The following CADM2 variants were observed in gnomAD, a reference collection of about 807,000 sequenced individuals.
CADM2 encodes immunoglobulin superfamily member 4D.
CADM2 carries 12 observed loss-of-function variants against 49.8 expected under a neutral mutation model. The ratio of observed to expected loss-of-function variants is 0.24; its 90% CI spans 0.15 to 0.39. The LOEUF (loss-of-function observed/expected upper bound fraction) is 0.39. Ranked by LOEUF, CADM2 falls within the 10% of genes least tolerant of loss-of-function variation. The pLI, the probability that CADM2 is intolerant of heterozygous loss-of-function variation, is 1.00. For missense variants in CADM2, 378 were observed against 492.3 expected, an observed-to-expected ratio of 0.77 and a Z score of 2.20; for synonymous variants, 214 against 175.4, an observed-to-expected ratio of 1.22 and a Z score of -1.74.
intron 1 of CADM2, among the ~76,000 whole-genome samples, chr3:85,370,255 AAT>A (rs2033124007): frequency 6.8e-6 from 1 of 147,346 alleles, no homozygotes; most frequent in Non-Finnish European, 1.5e-5. Flanking sequence ...TAATAATAAT[AAT>A]AAAATTTTAA....
intron 1 of CADM2, among the ~76,000 whole-genome samples, chr3:85,371,677 GTATA>G (rs1167720851): frequency 0.011 from 1,046 of 95,076 alleles, 9 homozygotes; most frequent in African/African-American, 0.033. Context: ...GTGTGTGTGT[GTATA>G]TATATATATA....
rs1211050803 is a variant in CADM2, at chr3:85,624,068, T to A, written c.62-102454T>A. Among the ~76,000 whole-genome samples the A allele has an allele frequency of 3.9e-5, 6 of 152,290 alleles. No homozygotes were observed. In the South Asian group the frequency reaches 8.3e-4, roughly 21 times the overall value. ...AAAATATTCATATTTTGAGTAATTT[T>A]AAAATATTTAATTGGCATATTTAAA... is the stretch of plus-strand genomic sequence containing the variant. On this transcript the variant is annotated intron_variant, in intron 1 of 9. Coordinates refer to ENST00000383699, the MANE Select transcript of CADM2 (RefSeq NM_001167675.2).
chr3:85,105,250 G>GA (rs1441043988), intron 1 of CADM2, among the ~76,000 whole-genome samples: 5 of 151,560 alleles, frequency 3.3e-5, no homozygotes, highest in Non-Finnish European at 5.9e-5. Flanking sequence ...AATTTACAAG[G>GA]AAAAAACAAA....
chr3:85,532,945 G>A (rs1285987098), intron 1 of CADM2, among the ~76,000 whole-genome samples: 1 of 152,166 alleles, frequency 6.6e-6, no homozygotes, highest in Non-Finnish European at 1.5e-5. Flanking sequence ...GTAAGTGGGA[G>A]CTAGATGATG....
At chr3:85,126,813 T>G (rs73128719) in intron 1 of CADM2, among the ~76,000 whole-genome samples, 55 of 152,276 alleles carry the variant, frequency 3.6e-4, no homozygotes, top group Non-Finnish European at 7.4e-4. Context: ...TTATCTTTCC[T>G]GTTTGTTGTT....
At chr3:85,668,295 C>CAAAAAAAAAAAAAAAAAAACAAAAAA (rs11447925) in intron 1 of CADM2, among the ~76,000 whole-genome samples, 1 of 81,764 alleles carries the variant, frequency 1.2e-5, no homozygotes, top group Non-Finnish European at 2.5e-5. Context: ...AGTACCAAAG[C>CAAAAAAAAAAAAAAAAAAACAAAAAA]AAAAAAAAAA....
intron 1 of CADM2, among the ~76,000 whole-genome samples, chr3:85,070,795 A>G (rs957809205): frequency 6.6e-6 from 1 of 151,986 alleles, no homozygotes; most frequent in African/African-American, 2.4e-5. Context: ...GATCAAGACC[A>G]TCCTGGCTAA....
At chr3:85,594,598 T>C (rs2063193045) in intron 1 of CADM2, among the ~76,000 whole-genome samples, 2 of 151,830 alleles carry the variant, frequency 1.3e-5, no homozygotes, top group South Asian at 4.1e-4. Flanking sequence ...AGAGAGAGAA[T>C]ACATTTGTAT....
At chr3:85,015,105 A>G (rs1242125915) in intron 1 of CADM2, among the ~76,000 whole-genome samples, 1 of 152,170 alleles carries the variant, frequency 6.6e-6, no homozygotes, top group African/African-American at 2.4e-5. Context: ...ACACGTATAC[A>G]TATATAAGTA....
chr3:85,520,511 C>G (rs1014741201), intron 1 of CADM2, among the ~76,000 whole-genome samples: 1 of 151,932 alleles, frequency 6.6e-6, no homozygotes, highest in African/African-American at 2.4e-5. Context: ...TACTGTGATA[C>G]AGAAACTTTA....
chr3:85,101,137 C>A (rs913191923), intron 1 of CADM2, among the ~76,000 whole-genome samples: 1 of 151,980 alleles, frequency 6.6e-6, no homozygotes, highest in Non-Finnish European at 1.5e-5. Context: ...ACCTGTAATC[C>A]CAGCTACTTG....
At chr3:86,036,016 G>A (rs898356375) in intron 8 of CADM2, among the ~76,000 whole-genome samples, 3 of 151,972 alleles carry the variant, frequency 2.0e-5, no homozygotes, top group African/African-American at 7.2e-5. Context: ...ATTCCATCAT[G>A]GATGATCGAC....
intron 8 of CADM2, among the ~76,000 whole-genome samples, chr3:86,059,235 G>GT (rs1338495377): frequency 6.6e-6 from 1 of 151,902 alleles, no homozygotes; most frequent in African/African-American, 2.4e-5. Context: ...AAACACAATA[G>GT]ACTAGACCCT....
rs190688103 is a variant in CADM2, at chr3:84,990,976, T to C, written c.61+31308T>C. 6.6e-5 allele frequency among the ~76,000 whole-genome samples: 10 copies of C among 152,204 alleles called. No homozygotes were observed. The East Asian group carries it at 1.7e-3, about 26-fold the overall frequency. ...CCTGTATAATGGGTTACAAGTCTCA[T>C]TAAAGTTCCATTTCAGTAAATGCCA... On this transcript the variant is annotated intron_variant, in intron 1 of 9. Transcript: ENST00000383699.
intron 1 of CADM2, among the ~76,000 whole-genome samples, chr3:85,082,466 C>T (rs1168391696): frequency 6.6e-6 from 1 of 152,106 alleles, no homozygotes; most frequent in East Asian, 1.9e-4. Context: ...GTTCTAAAGG[C>T]CATGCTCTTT....
chr3:85,849,979 C>T (rs1176352944), intron 3 of CADM2, among the ~76,000 whole-genome samples: 4 of 151,944 alleles, frequency 2.6e-5, no homozygotes, highest in African/African-American at 4.8e-5. Context: ...TTCAGGATAC[C>T]GTAAAGAACT....
At chr3:85,530,329 T>A (rs1296862955) in intron 1 of CADM2, among the ~76,000 whole-genome samples, 2 of 37,272 alleles carry the variant, frequency 5.4e-5, no homozygotes, top group East Asian at 7.8e-3. Context: ...TCCGTTTTTT[T>A]TTTTTTTTTT....
At chr3:85,576,165 G>A (rs546091205) in intron 1 of CADM2, among the ~76,000 whole-genome samples, 2 of 152,174 alleles carry the variant, frequency 1.3e-5, no homozygotes, top group East Asian at 3.9e-4. Flanking sequence ...ATAAAAATTA[G>A]TTATGTAAAC....
intron 1 of CADM2, among the ~76,000 whole-genome samples, chr3:85,488,932 C>T (rs940893135): frequency 6.6e-6 from 1 of 152,020 alleles, no homozygotes; most frequent in African/African-American, 2.4e-5. Flanking sequence ...GGCAATGGAC[C>T]TTCTTTTAAT....
Sources: allele counts gnomAD v4.1 joint callset (sites outside exome capture counted in the v4.1 genomes callset), GRCh38; gene constraint gnomAD v4.1.1; transcripts MANE v1.5; gene names NCBI Gene and HGNC (gene_info 2026-07-23, HGNC 2026-07-21).